The following BET1L variants were observed in gnomAD, a reference collection of about 807,000 sequenced individuals.
BET1L encodes the protein Bet1 golgi vesicular membrane trafficking protein like, also known as BET1-like protein.
BET1L carries 13 observed loss-of-function variants against 12.6 expected under a neutral mutation model. That is an observed-to-expected ratio of 1.03 (90% CI 0.67 to 1.64). The LOEUF is 1.64. BET1L is among the 40% of genes most tolerant of loss of function. BET1L has a pLI of 0.00. For synonymous variants in BET1L, 60 were observed against 56.9 expected, an observed-to-expected ratio of 1.05 and a Z score of -0.25; for missense variants, 154 against 150.7, an observed-to-expected ratio of 1.02 and a Z score of -0.11.
chr11:205,937 C>G lies in BET1L; in HGVS notation c.111+15G>C, dbSNP rs763415553. On this transcript the variant is annotated intron_variant, in intron 2 of 3. Transcript: ENST00000382762. ...AAGGCACCAGGTGGAGGTAAGAGGA[C>G]AGACCACCACTGACCGATTTGAGCC... 1 of 1,613,010 alleles carries G rather than the reference C, an allele frequency of 6.2e-7. No homozygotes were observed. Among genetic ancestry groups the G allele is most frequent in the South Asian group, 1.1e-5 (1 of 91,068 alleles).
chr11:207,380 T>TGGCCACAGCCGCCTCAGACGC lies in BET1L; in HGVS notation c.-60_-59insGCGTCTGAGGCGGCTGTGGCC. ...GACGCGGCCACAGCCGCCTCAGACG[T>TGGCCACAGCCGCCTCAGACGC]GGCGCAGTCGCGGGGAAAGAGCTTC... On this transcript the variant is annotated 5_prime_UTR_variant, in exon 1 of 4. Transcript: ENST00000382762. The TGGCCACAGCCGCCTCAGACGC allele has an allele frequency of 2.0e-6, 3 of 1,501,664 alleles. No individual in the cohort carries two copies. Among genetic ancestry groups the TGGCCACAGCCGCCTCAGACGC allele is most frequent in the Non-Finnish European group, 2.7e-6 (3 of 1,129,992 alleles). 93.0% of individuals were successfully genotyped at this position (1,501,664 alleles called of 1,614,324 possible).
chr11:203,402 A>G lies in BET1L; in HGVS notation c.*1900T>C, dbSNP rs773234487. Reference sequence around the variant, plus strand: ...TCCAGCGAAAGCCACTCCGAGATGCAGCCTAACTTCCTAGTTTGCATCAGC... The same window carrying G: ...TCCAGCGAAAGCCACTCCGAGATGCGGCCTAACTTCCTAGTTTGCATCAGC... On this transcript the variant is annotated 3_prime_UTR_variant, in exon 4 of 4. Coordinates refer to ENST00000382762, the MANE Select transcript of BET1L (RefSeq NM_001098787.2). 2 of 152,392 alleles carry G rather than the reference A, an allele frequency of 1.3e-5. No individual in the cohort carries two copies. The highest frequency in any genetic ancestry group is 2.4e-5 in the African/African-American group (1 of 41,432). 9.4% of individuals were successfully genotyped at this position (152,392 alleles called of 1,614,324 possible). A position where few individuals can be genotyped will look rare whatever the true frequency, so the allele number is the denominator to read the frequency against.
Position 207,382 on chromosome 11 carries a change from G to GCCACAGCCGCCTCAGACGTGA in BET1L, c.-62_-61insTCACGTCTGAGGCGGCTGTGG. 2.0e-6 allele frequency: 3 copies of GCCACAGCCGCCTCAGACGTGA among 1,494,746 alleles called. No homozygotes were observed. The highest frequency in any genetic ancestry group is 2.2e-5 in the Admixed American group (1 of 45,756). 92.6% of individuals were successfully genotyped at this position (1,494,746 alleles called of 1,614,324 possible). A position where few individuals can be genotyped will look rare whatever the true frequency, so the allele number is the denominator to read the frequency against. On this transcript the variant is annotated 5_prime_UTR_variant, in exon 1 of 4. Transcript: ENST00000382762. ...CGCGGCCACAGCCGCCTCAGACGTGGCGCAGTCGCGGGGAAAGAGCTTCCG... is the reference window on the plus strand; with the variant it reads ...CGCGGCCACAGCCGCCTCAGACGTGGCCACAGCCGCCTCAGACGTGACGCAGTCGCGGGGAAAGAGCTTCCG...
In BET1L at chr11:205,222, T is replaced by C. The variant is rs1855120148; in HGVS notation, c.*80A>G. 1 of 1,470,684 alleles carries C rather than the reference T, an allele frequency of 6.8e-7. No homozygotes were observed. The highest frequency in any genetic ancestry group is 9.1e-7 in the Non-Finnish European group (1 of 1,096,592). The allele number at this position is 1,470,684 out of a possible 1,614,324, so 91.1% of individuals were successfully genotyped here. A position where few individuals can be genotyped will look rare whatever the true frequency, so the allele number is the denominator to read the frequency against. ...TCATTGCAAAGGAGTATTTTGTAGG[T>C]AAGTCCTCTGGAGCCCAAAACACCA... On this transcript the variant is annotated 3_prime_UTR_variant, in exon 4 of 4. Coordinates refer to ENST00000382762, the MANE Select transcript of BET1L (RefSeq NM_001098787.2).
chr11:205,632 C>T lies in BET1L; in HGVS notation c.147G>A (p.Gln49=). The T allele has an allele frequency of 6.2e-7, 1 of 1,613,398 alleles. No homozygotes were observed. Among genetic ancestry groups the T allele is most frequent in the Non-Finnish European group, 8.5e-7 (1 of 1,179,740 alleles). ...TTACCATGCCATCCAGGTACCGGTT[C>T]TGATCCTCTGCATCCCTATCGATGT... The part of the protein sequence containing the change: ...ALDIDRDAED[Q]NRYLDGMDSD... The change falls in exon 3 of 4, where the codon CAG becomes CAA. Residue 49 remains glutamine, a synonymous_variant. Coordinates refer to ENST00000382762, the MANE Select transcript of BET1L (RefSeq NM_001098787.2).
chr11:205,599 G>T lies in BET1L; in HGVS notation c.168+12C>A. 6.2e-7 allele frequency: 1 copy of T among 1,613,952 alleles called. No individual in the cohort carries two copies. Among genetic ancestry groups the T allele is most frequent in the Non-Finnish European group, 8.5e-7 (1 of 1,180,000 alleles). On this transcript the variant is annotated intron_variant, in intron 3 of 3. Transcript: ENST00000382762. ...GGCAGGGCACTGATACACGCACACC[G>T]TGGGCCCTTACCATGCCATCCAGGT...
rs1002359501 is a variant in BET1L at position 206,045 on chromosome 11, T to C, written c.20-2A>G. On this transcript the variant is annotated splice_acceptor_variant, in intron 1 of 3. Coordinates refer to ENST00000382762, the MANE Select transcript of BET1L (RefSeq NM_001098787.2). LOFTEE classifies it high-confidence loss of function. ...CTTCCACAGCGCCCGGGCTCTGAGCTGAGAAAAGAGAGGGGCTGAAGGGTT... is the reference window on the plus strand; with the variant it reads ...CTTCCACAGCGCCCGGGCTCTGAGCCGAGAAAAGAGAGGGGCTGAAGGGTT... 2.5e-6 allele frequency: 4 copies of C among 1,613,358 alleles called. No individual in the cohort carries two copies. Among genetic ancestry groups the C allele is most frequent in the Non-Finnish European group, 3.4e-6 (4 of 1,179,852 alleles).
rs2133735544 is a variant in BET1L, at chr11:203,502, A to T, written c.*1800T>A. The stretch of plus-strand genomic sequence containing the variant: ...ACCACAGCTCAGCCACATTCCCCAG[A>T]AACGGAGGTCAGCCCTCCATGGCCC... On this transcript the variant is annotated 3_prime_UTR_variant, in exon 4 of 4. Coordinates refer to ENST00000382762, the MANE Select transcript of BET1L (RefSeq NM_001098787.2). 6.5e-6 allele frequency: 1 copy of T among 152,720 alleles called. No homozygotes were observed. The highest frequency in any genetic ancestry group is 2.4e-5 in the African/African-American group (1 of 41,590). The allele number at this position is 152,720 out of a possible 1,614,324, so 9.5% of individuals were successfully genotyped here. A position where few individuals can be genotyped will look rare whatever the true frequency, so the allele number is the denominator to read the frequency against.
Position 205,361 on chromosome 11 carries a change from C to G in BET1L, c.277G>C (p.Val93Leu). The part of the protein sequence containing the change: ...DNRKLLCGMA[V>L]GLIVAFFILS... ...ATGAAGAAGGCCACAATTAGACCCA[C>G]GGCCATGCCACATAGAAGCTTCCGG... The change falls in exon 4 of 4, where the codon GTG (valine) becomes CTG (leucine). Residue 93 changes from valine to leucine, a missense_variant. Val to Leu is a conservative substitution (Grantham distance 32). Transcript: ENST00000382762. 1 of 1,614,122 alleles carries G rather than the reference C, an allele frequency of 6.2e-7. No homozygotes were observed. Among genetic ancestry groups the G allele is most frequent in the South Asian group, 1.1e-5 (1 of 91,068 alleles).
intron 1 of BET1L, among the ~76,000 whole-genome samples, chr11:206,674 G>A (rs1295624925): frequency 6.6e-6 from 1 of 152,216 alleles, no homozygotes; most frequent in Non-Finnish European, 1.5e-5. Context: ...AGGGCAGAGT[G>A]CTCGCAGAGG....
chr11:202,926 A>C lies in BET1L; in HGVS notation c.*2376T>G, dbSNP rs1855068443. 6.6e-6 allele frequency: 1 copy of C among 152,314 alleles called. No individual in the cohort carries two copies. The highest frequency in any genetic ancestry group is 2.4e-5 in the African/African-American group (1 of 41,464). 9.4% of individuals were successfully genotyped at this position (152,314 alleles called of 1,614,324 possible). On this transcript the variant is annotated 3_prime_UTR_variant, in exon 4 of 4. Transcript: ENST00000382762. ...TGAGGACGACAGAGACCATATGATTAGTTCTTCATGAGGTTATGTTTACTA... is the reference window on the plus strand; with the variant it reads ...TGAGGACGACAGAGACCATATGATTCGTTCTTCATGAGGTTATGTTTACTA...
intron 1 of BET1L, among the ~76,000 whole-genome samples, 190 bp from the exon 2 acceptor site, chr11:206,233 G>C (rs1264485739): frequency 6.6e-6 from 1 of 152,178 alleles, no homozygotes; most frequent in Non-Finnish European, 1.5e-5. Context: ...GTGAACACAT[G>C]TCCTGTGTAC....
intron 1 of BET1L, among the ~76,000 whole-genome samples, chr11:206,462 G>C (rs962693627): frequency 2.6e-5 from 4 of 152,242 alleles, no homozygotes; most frequent in African/African-American, 9.6e-5. Flanking sequence ...TACCCAGCAA[G>C]GCAGCAGAAA....
Position 205,442 on chromosome 11 carries a change from G to A in BET1L, c.196C>T (p.Leu66=). 6.2e-7 allele frequency: 1 copy of A among 1,614,222 alleles called. No individual in the cohort carries two copies. The highest frequency in any genetic ancestry group is 8.5e-7 in the Non-Finnish European group (1 of 1,180,048). ...MDSDFTSMTS[L]LTGSVKRFST... ...AAGCGCTTCACGCTCCCTGTAAGCA[G>A]GCTGGTCATGCTTGTGAAATCCGAG... Residue 66 remains leucine (L), a synonymous_variant, in exon 4 of 4, where the codon CTG becomes TTG. Transcript: ENST00000382762.
chr11:206,078 T>C (rs748670549), intron 1 of BET1L, 35 bp from the exon 2 acceptor site: 1 of 1,595,846 alleles, frequency 6.3e-7, no homozygotes, highest in Admixed American at 1.7e-5. Context: ...GTTGCATCCA[T>C]CGGTGAGCAC....
intron 2 of BET1L, 62 bp from the exon 3 acceptor site, chr11:205,729 C>A: frequency 6.4e-7 from 1 of 1,560,836 alleles, no homozygotes; most frequent in Non-Finnish European, 8.7e-7. Flanking sequence ...AGCACTCACC[C>A]TCCCCAGACC....
intron 1 of BET1L, 25 bp from the exon 2 acceptor site, chr11:206,068 G>A (rs200282029): frequency 6.2e-6 from 10 of 1,606,504 alleles, no homozygotes; most frequent in Middle Eastern, 3.3e-4. Flanking sequence ...GGGCTGAAGG[G>A]TTGCATCCAT....
Position 205,651 on chromosome 11 carries a change from TCGATGTCCA to T in BET1L, c.119_127del (p.Leu40_Asp43delinsHis). ...CCGGTTCTGATCCTCTGCATCCCTA[TCGATGTCCA>T]GGGCGAGCTGTTCAGCAGACAGAGA... On this transcript the variant is annotated inframe_deletion, in exon 3 of 4. Transcript: ENST00000382762. 1 of 1,611,214 alleles carries T rather than the reference TCGATGTCCA, an allele frequency of 6.2e-7. No homozygotes were observed. Among genetic ancestry groups the T allele is most frequent in the East Asian group, 2.2e-5 (1 of 44,812 alleles).
chr11:205,484 C>A lies in BET1L; in HGVS notation c.169-15G>T. ...AAATCCGAGTCCTAAGGGAGGAATC[C>A]CAGCAAGATCACACAGAAGTGGTGA... On this transcript the variant is annotated splice_polypyrimidine_tract_variant and intron_variant, in intron 3 of 3. Transcript: ENST00000382762. 1.2e-6 allele frequency: 2 copies of A among 1,614,194 alleles called. No individual in the cohort carries two copies. The highest frequency in any genetic ancestry group is 1.7e-6 in the Non-Finnish European group (2 of 1,180,030).
Sources: allele counts gnomAD v4.1 joint callset (sites outside exome capture counted in the v4.1 genomes callset), GRCh38; gene constraint gnomAD v4.1.1; transcripts MANE v1.5; gene names NCBI Gene and HGNC (gene_info 2026-07-23, HGNC 2026-07-21).